Variants in KNTC1 observed in about 807,000 individuals in gnomAD.
KNTC1 encodes kinetochore-associated protein 1.
A neutral mutation model predicts 314.4 loss-of-function variants in KNTC1; 253 were observed. That is an observed-to-expected ratio of 0.80 (90% CI 0.73 to 0.89). The LOEUF is 0.89. KNTC1 is among the 40% of genes least tolerant of loss of function. The probability of loss-of-function intolerance (pLI) is 0.00; values close to 1 mark genes in which losing one functional copy is unlikely to be tolerated. For synonymous variants in KNTC1, 901 were observed against 901.4 expected (o/e 1.00, Z 0.01); for missense variants, 2,475 against 2,572.9 (o/e 0.96, Z 0.82).
At chr12:122,559,086 C>G (rs142230491) in intron 18 of KNTC1, among the ~76,000 whole-genome samples, 1 of 152,058 alleles carries the variant, frequency 6.6e-6, no homozygotes, top group East Asian at 1.9e-4. Flanking sequence ...CGTTGTTTCA[C>G]GCCTGTAATT....
chr12:122,618,943 C>T (rs1285935359), intron 59 of KNTC1, among the ~76,000 whole-genome samples: 1 of 150,172 alleles, frequency 6.7e-6, no homozygotes, highest in Non-Finnish European at 1.5e-5. Flanking sequence ...CCACCACGCC[C>T]GGCTATTATT....
At chr12:122,622,083 T>A in intron 61 of KNTC1, 113 bp downstream of exon 61, 1 of 794,170 alleles carries the variant, frequency 1.3e-6, no homozygotes, top group Non-Finnish European at 2.0e-6. Context: ...TTTGTTTATG[T>A]ATAGAATTAT....
At chr12:122,541,199 C>A (rs1160388469) in intron 5 of KNTC1, among the ~76,000 whole-genome samples, 86 of 144,814 alleles carry the variant, frequency 5.9e-4, no homozygotes, top group Non-Finnish European at 1.1e-3. Context: ...AAACAAAAAA[C>A]AAAAAAAAAA....
chr12:122,552,245 G>A (rs1195772296), intron 16 of KNTC1, among the ~76,000 whole-genome samples: 1 of 152,092 alleles, frequency 6.6e-6, no homozygotes, highest in Non-Finnish European at 1.5e-5. Context: ...GACAGACCAG[G>A]GAGGGGAAGG....
rs756553539 is a variant in KNTC1, at chr12:122,604,932, G to A, written c.5231G>A (p.Arg1744Gln). The change falls in exon 50 of 64, where the codon CGG becomes CAG. Residue 1744 changes from arginine to glutamine, a missense_variant. Arg to Gln is a conservative substitution (Grantham distance 43, BLOSUM62 1). Transcript: ENST00000333479. The stretch of plus-strand genomic sequence containing the variant: ...TTGAAGAAGCTTCATATCCAGTACC[G>A]GCGATCGGGCACAGAAGCTGTGCTC... ...ALLKKLHIQY[R>Q]RSGTEAVLIA... 5 of 1,610,764 alleles carry A rather than the reference G, an allele frequency of 3.1e-6. No individual in the cohort carries two copies. Among genetic ancestry groups the A allele is most frequent in the East Asian group, 2.2e-5 (1 of 44,814 alleles).
intron 41 of KNTC1, among the ~76,000 whole-genome samples, 199 bp downstream of exon 41, chr12:122,590,934 A>G (rs569146541): frequency 3.9e-4 from 59 of 152,132 alleles, no homozygotes; most frequent in Non-Finnish European, 6.9e-4. Flanking sequence ...CAACCCAAAG[A>G]ATTACAGTTT....
chr12:122,560,413 G>C (rs1173558469), intron 18 of KNTC1, among the ~76,000 whole-genome samples: 1 of 152,096 alleles, frequency 6.6e-6, no homozygotes. Context: ...TTGTCTCCCA[G>C]GCTAGAGTGC....
chr12:122,564,564 C>A (rs1051501551), intron 20 of KNTC1, among the ~76,000 whole-genome samples: 1 of 151,886 alleles, frequency 6.6e-6, no homozygotes, highest in Non-Finnish European at 1.5e-5. Context: ...CTGGTATCCT[C>A]CCTGGTGATC....
At chr12:122,613,364 C>T (rs529589095) in intron 54 of KNTC1, 134 bp downstream of exon 54, 1 of 697,776 alleles carries the variant, frequency 1.4e-6, no homozygotes, top group South Asian at 2.0e-5. Flanking sequence ...CCTGAATATC[C>T]TTGACATTTT....
chr12:122,542,279 C>T (rs1962402222), intron 6 of KNTC1, among the ~76,000 whole-genome samples, 152 bp downstream of exon 6: 1 of 152,110 alleles, frequency 6.6e-6, no homozygotes, highest in South Asian at 2.1e-4. Flanking sequence ...ATTCAGAATA[C>T]AGTTATTCTC....
intron 54 of KNTC1, 176 bp downstream of exon 54, chr12:122,613,406 T>A: frequency 1.5e-6 from 1 of 657,740 alleles, no homozygotes; most frequent in Non-Finnish European, 2.5e-6. Flanking sequence ...TGAGAACATC[T>A]TGTTTCCATC....
chr12:122,617,468 C>T (rs1416832844), intron 57 of KNTC1: 1 of 433,222 alleles, frequency 2.3e-6, no homozygotes, highest in South Asian at 1.6e-5. Context: ...AAACAATCCT[C>T]CTGCCTTGGC....
At chr12:122,598,194 A>C (rs970284147) in intron 44 of KNTC1, among the ~76,000 whole-genome samples, 1 of 152,206 alleles carries the variant, frequency 6.6e-6, no homozygotes, top group South Asian at 2.1e-4. Context: ...AGAGAAATGT[A>C]TAAATCAAAA....
At chr12:122,583,096 G>A (rs1868673892) in intron 34 of KNTC1, 111 bp downstream of exon 34, 1 of 964,264 alleles carries the variant, frequency 1.0e-6, no homozygotes, top group African/African-American at 1.7e-5. Flanking sequence ...CGGATCACAA[G>A]GTCAGGAGAT....
intron 55 of KNTC1, 93 bp downstream of exon 55, chr12:122,613,854 T>C (rs1873456037): frequency 7.5e-7 from 1 of 1,332,522 alleles, no homozygotes; most frequent in African/African-American, 1.5e-5. Flanking sequence ...TTGTTGTTGT[T>C]GTTGGGGACA....
At chr12:122,579,315 C>T (rs1036467018) in intron 31 of KNTC1, among the ~76,000 whole-genome samples, 6 of 151,810 alleles carry the variant, frequency 4.0e-5, no homozygotes, top group Admixed American at 6.6e-5. Context: ...CCGCCTGCCT[C>T]GGCCTCCCAA....
chr12:122,605,218 T>C (rs1872456428), intron 50 of KNTC1, 88 bp from the exon 51 acceptor site: 3 of 1,054,360 alleles, frequency 2.8e-6, no homozygotes. Flanking sequence ...TATGTGTATG[T>C]ATGTGCATAT....
chr12:122,538,578 T>C (rs1169853150), intron 4 of KNTC1, 124 bp downstream of exon 4: 3 of 600,808 alleles, frequency 5.0e-6, no homozygotes, highest in East Asian at 2.9e-5. Context: ...TTTTGAACAA[T>C]TAAGCTTTGA....
At chr12:122,538,023 A>T (rs1172205953) in intron 3 of KNTC1, among the ~76,000 whole-genome samples, 1 of 152,096 alleles carries the variant, frequency 6.6e-6, no homozygotes, top group Non-Finnish European at 1.5e-5. Context: ...GGTCCCAGCT[A>T]CCTGGGAGGC....
Sources: allele counts gnomAD v4.1 joint callset (sites outside exome capture counted in the v4.1 genomes callset), GRCh38; gene constraint gnomAD v4.1.1; transcripts MANE v1.5; gene names NCBI Gene and HGNC (gene_info 2026-07-23, HGNC 2026-07-21).